The following FUT8 variants were observed in gnomAD, a reference collection of about 807,000 sequenced individuals.
The protein encoded by FUT8 is fucosyltransferase 8.
In FUT8, 29 loss-of-function variants were observed where a neutral mutation model predicts 71.3. The observed-to-expected ratio is 0.41, with a 90% CI of 0.30 to 0.55. The LOEUF is 0.55. Ranked by LOEUF, FUT8 falls within the 20% of genes least tolerant of loss-of-function variation. The pLI, the probability that FUT8 is intolerant of heterozygous loss-of-function variation, is 0.34. For synonymous variants in FUT8, 254 were observed against 239.3 expected (o/e 1.06, Z -0.57); for missense variants, 544 against 702.1 (o/e 0.77, Z 2.55).
At chr14:65,389,077 C>G in the FUT8 span, among the ~76,000 whole-genome samples, 2 of 150,788 alleles carry the variant, frequency 1.3e-5, no homozygotes, top group Non-Finnish European at 3.0e-5. Context: ...TCCTAGCTCA[C>G]TGTAGCCTTG....
chr14:65,677,855 A>G (rs1892841317), intron 7 of FUT8, among the ~76,000 whole-genome samples: 1 of 152,220 alleles, frequency 6.6e-6, no homozygotes, highest in Admixed American at 6.5e-5. Flanking sequence ...AGAGAGGTAT[A>G]AGGTCCTGTG....
chr14:65,636,986 A>C (rs1022115107), intron 6 of FUT8, among the ~76,000 whole-genome samples: 1 of 152,242 alleles, frequency 6.6e-6, no homozygotes, highest in African/African-American at 2.4e-5. Flanking sequence ...GATCAAGCAA[A>C]TCTTGTAAGG....
intron 7 of FUT8, among the ~76,000 whole-genome samples, chr14:65,670,570 A>C (rs1231182731): frequency 6.6e-6 from 1 of 152,132 alleles, no homozygotes; most frequent in African/African-American, 2.4e-5. Context: ...TCTTGTGGGA[A>C]GTCCAACATT....
chr14:65,527,039 T>A (rs908682440), intron 2 of FUT8, among the ~76,000 whole-genome samples: 1 of 152,212 alleles, frequency 6.6e-6, no homozygotes, highest in Non-Finnish European at 1.5e-5. Context: ...CAATTATGTG[T>A]CTTGGAGTTG....
At chr14:65,488,904 C>A (rs2066445915) in intron 2 of FUT8, among the ~76,000 whole-genome samples, 1 of 151,920 alleles carries the variant, frequency 6.6e-6, no homozygotes, top group African/African-American at 2.4e-5. Flanking sequence ...TCACCATCGA[C>A]CTTGTACTTT....
intron 1 of FUT8, among the ~76,000 whole-genome samples, chr14:65,447,425 A>G (rs1029131499): frequency 1.3e-5 from 2 of 152,050 alleles, no homozygotes; most frequent in African/African-American, 4.8e-5. Context: ...TATGTTGAAG[A>G]GTTATAGGAA....
At chr14:65,672,540 G>C (rs1436291560) in intron 7 of FUT8, among the ~76,000 whole-genome samples, 1 of 152,146 alleles carries the variant, frequency 6.6e-6, no homozygotes, top group Non-Finnish European at 1.5e-5. Context: ...GCTCACTGCA[G>C]CCTCGAACTC....
intron 6 of FUT8, among the ~76,000 whole-genome samples, chr14:65,659,159 A>G (rs540492911): frequency 6.6e-6 from 1 of 152,196 alleles, no homozygotes; most frequent in Admixed American, 6.5e-5. Flanking sequence ...TGGTTTGAGA[A>G]AGGTGATCTT....
chr14:65,423,376 C>A (rs1359367475), intron 1 of FUT8, among the ~76,000 whole-genome samples: 1 of 151,900 alleles, frequency 6.6e-6, no homozygotes, highest in African/African-American at 2.4e-5. Context: ...ATTCTCCTGC[C>A]TCAGCCCCCT....
At chr14:65,411,979 T>C (rs1426859515), upstream of FUT8, 1 of 455,740 alleles carries the variant, frequency 2.2e-6, no homozygotes, top group South Asian at 1.6e-5. Context: ...CCGGGAATTT[T>C]CCGAGTCCGA....
At chr14:65,504,494 T>C (rs2139784953) in intron 2 of FUT8, among the ~76,000 whole-genome samples, 1 of 152,368 alleles carries the variant, frequency 6.6e-6, no homozygotes, top group South Asian at 2.1e-4. Context: ...GTCTTCATAA[T>C]TGTCATGTGG....
intron 7 of FUT8, among the ~76,000 whole-genome samples, chr14:65,710,770 C>T (rs921391573): frequency 2.6e-5 from 4 of 152,142 alleles, no homozygotes; most frequent in Non-Finnish European, 5.9e-5. Flanking sequence ...TAAAGTAATA[C>T]TCAAGGCTGA....
intron 3 of FUT8, among the ~76,000 whole-genome samples, chr14:65,565,221 A>G (rs1886126723): frequency 6.6e-6 from 1 of 151,964 alleles, no homozygotes; most frequent in Non-Finnish European, 1.5e-5. Flanking sequence ...GAACTCAGTC[A>G]TCTCTGAAGG....
chr14:65,570,223 A>G (rs1368041186), intron 3 of FUT8, among the ~76,000 whole-genome samples: 1 of 152,046 alleles, frequency 6.6e-6, no homozygotes, highest in African/African-American at 2.4e-5. Flanking sequence ...AAAACTGGCT[A>G]TGTGTTTACT....
In FUT8 at chr14:65,652,369, GA is replaced by G. The variant is rs1891452015; in HGVS notation, c.598-16871del. Among the ~76,000 whole-genome samples the G allele has an allele frequency of 6.6e-6, 1 of 152,198 alleles. No homozygotes were observed. Among genetic ancestry groups the G allele is most frequent in the Admixed American group, 6.5e-5 (1 of 15,278 alleles). On this transcript the variant is annotated intron_variant, in intron 6 of 10. Coordinates refer to ENST00000673929, the MANE Select transcript of FUT8 (RefSeq NM_001371533.1). This position sits in a 1 kb window ranked among gnomAD's most constrained non-coding sequence, Gnocchi z 4.0. The stretch of plus-strand genomic sequence containing the variant: ...GAAGTTGGCTGGTGGGAACGTCAGA[GA>G]AATGTTTTTCTTTCTGATAAAAATG...
At chr14:65,675,929 G>A (rs1319962699) in intron 7 of FUT8, among the ~76,000 whole-genome samples, 1 of 152,034 alleles carries the variant, frequency 6.6e-6, no homozygotes, top group Non-Finnish European at 1.5e-5. Flanking sequence ...CCTGAGAGGC[G>A]GAGCTTGCAG....
chr14:65,405,422 T>C, the FUT8 span, among the ~76,000 whole-genome samples: 2 of 152,228 alleles, frequency 1.3e-5, no homozygotes, highest in Non-Finnish European at 2.9e-5. Flanking sequence ...GTTAGTATCT[T>C]ATAAAAATTT....
intron 2 of FUT8, among the ~76,000 whole-genome samples, chr14:65,473,661 C>CA (rs2066183598): frequency 6.6e-6 from 1 of 152,132 alleles, no homozygotes; most frequent in African/African-American, 2.4e-5. Flanking sequence ...ATATTTTACT[C>CA]ACAAATTGAA....
intron 3 of FUT8, among the ~76,000 whole-genome samples, chr14:65,611,908 G>C (rs964732174): frequency 3.3e-5 from 5 of 152,154 alleles, no homozygotes; most frequent in African/African-American, 1.2e-4. Context: ...TGATCTGCCT[G>C]CCTCAGCCTC....
Sources: allele counts gnomAD v4.1 joint callset (sites outside exome capture counted in the v4.1 genomes callset), GRCh38; gene constraint gnomAD v4.1.1; non-coding constraint Gnocchi (gnomAD v3.1); transcripts MANE v1.5; gene names NCBI Gene and HGNC (gene_info 2026-07-23, HGNC 2026-07-21).